Variants in HSD11B1 observed in about 807,000 individuals in gnomAD.
The protein encoded by HSD11B1 is 11-beta-hydroxysteroid dehydrogenase 1.
HSD11B1 carries 15 observed loss-of-function variants against 22.1 expected under a neutral mutation model. The observed-to-expected ratio is 0.68, with a 90% CI of 0.45 to 1.04. The LOEUF is 1.04. Among genes scored for constraint, HSD11B1 ranks in the 50% least tolerant of loss-of-function variants. HSD11B1 has a pLI of 0.00. For missense variants in HSD11B1, 281 were observed against 357.6 expected, an observed-to-expected ratio of 0.79 and a Z score of 1.73; for synonymous variants, 122 against 125.2, an observed-to-expected ratio of 0.97 and a Z score of 0.17.
chr1:209,717,197 C>T (rs1330163635), intron 4 of HSD11B1, among the ~76,000 whole-genome samples: 1 of 151,926 alleles, frequency 6.6e-6, no homozygotes, highest in African/African-American at 2.4e-5. Flanking sequence ...ACTCAAATAA[C>T]TCAATAGGAA....
At position 209,715,943 on chromosome 1, in the gene HSD11B1, G is replaced by A. The variant is rs140160635; in HGVS notation, c.517+8815G>A. Among the ~76,000 whole-genome samples the A allele has an allele frequency of 5.0e-3, 765 of 152,180 alleles. 3 individuals are homozygous for A. The highest frequency in any genetic ancestry group is 0.014 in the Middle Eastern group (4 of 292). On this transcript the variant is annotated intron_variant, in intron 4 of 5. Transcript: ENST00000367027. Reference sequence around the variant, plus strand: ...CCACAAATGACCTGATTCAAAAATGGGCAAAGGATATATGACAGACCCACA... The same window carrying A: ...CCACAAATGACCTGATTCAAAAATGAGCAAAGGATATATGACAGACCCACA...
At chr1:209,719,785 T>G (rs1292008147) in intron 4 of HSD11B1, among the ~76,000 whole-genome samples, 1 of 152,254 alleles carries the variant, frequency 6.6e-6, no homozygotes, top group East Asian at 1.9e-4. Flanking sequence ...CCACATTTGC[T>G]TAATCCACTC....
At chr1:209,720,613 T>A (rs1371626129) in intron 4 of HSD11B1, among the ~76,000 whole-genome samples, 1 of 150,990 alleles carries the variant, frequency 6.6e-6, no homozygotes, top group Non-Finnish European at 1.5e-5. Context: ...TCTCCAACAG[T>A]GCCAAGGTCA....
At chr1:209,701,007 T>C (rs1275274500), upstream of HSD11B1, among the ~76,000 whole-genome samples, 3 of 152,198 alleles carry the variant, frequency 2.0e-5, no homozygotes, top group Non-Finnish European at 4.4e-5. Flanking sequence ...TCAACAAGCC[T>C]CTAGGAGGTT....
chr1:209,733,154 A>G (rs1571889959), intron 5 of HSD11B1, among the ~76,000 whole-genome samples: 2 of 152,336 alleles, frequency 1.3e-5, no homozygotes, highest in Admixed American at 1.3e-4. Flanking sequence ...TATGAGACTT[A>G]TCAAAATACA....
intron 4 of HSD11B1, among the ~76,000 whole-genome samples, chr1:209,727,359 A>G (rs1367794595): frequency 6.6e-6 from 1 of 152,212 alleles, no homozygotes; most frequent in Non-Finnish European, 1.5e-5. Flanking sequence ...TACGCTACCA[A>G]GTTTGTGGTA....
intron 4 of HSD11B1, among the ~76,000 whole-genome samples, chr1:209,729,106 C>A (rs1284891323): frequency 6.6e-6 from 1 of 152,178 alleles, no homozygotes; most frequent in Non-Finnish European, 1.5e-5. Context: ...TGCCTGTAAT[C>A]CCAATACTTT....
At position 209,705,041 on chromosome 1, in the gene HSD11B1, A is replaced by G. The variant is rs1477691522; in HGVS notation, c.88+11A>G. The G allele has an allele frequency of 6.2e-7, 1 of 1,604,036 alleles. No homozygotes were observed. The highest frequency in any genetic ancestry group is 8.5e-7 in the Non-Finnish European group (1 of 1,171,012). Reference sequence around the variant, plus strand: ...AGGAATTCAGACCAGGTAAGTACCCATGCGTCTCATTTTGGAGGAATAGGT... The same window carrying G: ...AGGAATTCAGACCAGGTAAGTACCCGTGCGTCTCATTTTGGAGGAATAGGT... On this transcript the variant is annotated intron_variant, in intron 1 of 5. Coordinates refer to ENST00000367027, the MANE Select transcript of HSD11B1 (RefSeq NM_005525.4).
chr1:209,688,976 G>A (rs2076743606), intron 1 of HSD11B1, among the ~76,000 whole-genome samples: 1 of 152,196 alleles, frequency 6.6e-6, no homozygotes, highest in South Asian at 2.1e-4. Context: ...GGAGTTGGAG[G>A]AACAGGTGGG....
At chr1:209,723,562 G>C (rs2076981616) in intron 4 of HSD11B1, among the ~76,000 whole-genome samples, 1 of 152,184 alleles carries the variant, frequency 6.6e-6, no homozygotes. Flanking sequence ...TCCTATGGCT[G>C]CCTCTAGTCC....
intron 4 of HSD11B1, among the ~76,000 whole-genome samples, chr1:209,728,071 A>G (rs964812419): frequency 7.2e-5 from 11 of 152,226 alleles, no homozygotes; most frequent in Non-Finnish European, 1.5e-4. Context: ...AGTCCATGGC[A>G]AGCATTTCTA....
chr1:209,690,611 C>T (rs1362159215), intron 1 of HSD11B1, among the ~76,000 whole-genome samples: 10 of 151,916 alleles, frequency 6.6e-5, no homozygotes, highest in Admixed American at 5.2e-4. Flanking sequence ...GCAGGAGAAC[C>T]GCTTGAACCC....
intron 4 of HSD11B1, among the ~76,000 whole-genome samples, chr1:209,716,164 T>C (rs1298742940): frequency 6.6e-6 from 1 of 152,190 alleles, no homozygotes; most frequent in Non-Finnish European, 1.5e-5. Flanking sequence ...TCACATGACA[T>C]GATTTTATAA....
At chr1:209,718,258 T>C (rs183059333) in intron 4 of HSD11B1, among the ~76,000 whole-genome samples, 1 of 152,320 alleles carries the variant, frequency 6.6e-6, no homozygotes, top group African/African-American at 2.4e-5. Flanking sequence ...AACACAGAAA[T>C]AATAAATGCT....
chr1:209,713,937 A>T (rs1476835620), intron 4 of HSD11B1, among the ~76,000 whole-genome samples: 23 of 152,208 alleles, frequency 1.5e-4, no homozygotes, highest in Admixed American at 1.5e-3. Flanking sequence ...AAGTACTTCA[A>T]GAGGAATGGT....
At chr1:209,720,610 C>T (rs2076959110) in intron 4 of HSD11B1, among the ~76,000 whole-genome samples, 2 of 151,334 alleles carry the variant, frequency 1.3e-5, no homozygotes, top group South Asian at 4.2e-4. Context: ...TACTCTCCAA[C>T]AGTGCCAAGG....
At chr1:209,710,693 T>C (rs1164737398) in intron 4 of HSD11B1, among the ~76,000 whole-genome samples, 1 of 152,072 alleles carries the variant, frequency 6.6e-6, no homozygotes, top group Non-Finnish European at 1.5e-5. Flanking sequence ...AAGGTATATT[T>C]TGAAGTGAAA....
rs1015577238 is a variant in HSD11B1 at position 209,717,871 on chromosome 1, C to CAA, written c.517+10764_517+10765dup. 8.5e-3 allele frequency among the ~76,000 whole-genome samples: 326 copies of CAA among 38,294 alleles called. 5 individuals are homozygous for CAA. The highest frequency in any genetic ancestry group is 0.051 in the Middle Eastern group (4 of 78). The allele number at this position is 38,294 out of a possible 152,430, so 25.1% of individuals were successfully genotyped here. A position where few individuals can be genotyped will look rare whatever the true frequency, so the allele number is the denominator to read the frequency against. On this transcript the variant is annotated intron_variant, in intron 4 of 5. Transcript: ENST00000367027. ...TGGGAGACAGGGTTAGACTCCATCT[C>CAA]AAAAAAAAAAAAAAAAAAAAAAGGA... is the stretch of plus-strand genomic sequence containing the variant.
chr1:209,702,564 A>G (rs1042819382), upstream of HSD11B1, among the ~76,000 whole-genome samples: 4 of 152,194 alleles, frequency 2.6e-5, no homozygotes, highest in African/African-American at 9.7e-5. Flanking sequence ...TATTTTCATA[A>G]TTATACTAAG....
Sources: gnomAD v4.1 joint callset for allele counts (sites outside exome capture counted in the v4.1 genomes callset) on GRCh38, gnomAD v4.1.1 for gene constraint, MANE v1.5 for transcripts, NCBI Gene and HGNC (gene_info 2026-07-23, HGNC 2026-07-21) for gene names.